The following MED13L variants were observed in gnomAD, a reference collection of about 807,000 sequenced individuals.
MED13L encodes mediator of RNA polymerase II transcription subunit 13-like.
Under a neutral mutation model 220.9 loss-of-function variants are expected in MED13L, and 7 were observed. The observed-to-expected ratio is 0.03, with a 90% CI of 0.02 to 0.06. MED13L has a LOEUF of 0.06. Ranked by LOEUF, MED13L falls within the 10% of genes least tolerant of loss-of-function variation. The pLI is 1.00. For missense variants in MED13L, 1,965 were observed against 2,760.5 expected, an observed-to-expected ratio of 0.71 and a Z score of 6.46; for synonymous variants, 1,011 against 1,015.2, an observed-to-expected ratio of 1.00 and a Z score of 0.08.
chr12:116,019,271 C>G lies in MED13L; in HGVS notation c.962G>C (p.Cys321Ser), dbSNP rs747999991. 13 of 1,613,988 alleles carry G rather than the reference C, an allele frequency of 8.1e-6. No homozygotes were observed. The highest frequency in any genetic ancestry group is 1.1e-5 in the Non-Finnish European group (13 of 1,179,946). ...GGTGGGAGGGGTCAGAGGCATCCCA[C>G]AGTTACTTGGGTCCTTCACACTACC... is the stretch of plus-strand genomic sequence containing the variant. ...GLGSVKDPSNCGMPLTPPTSP... is the reference protein window; with the variant it reads ...GLGSVKDPSNSGMPLTPPTSP... The change falls in exon 7 of 31, where the codon TGT (cysteine) becomes TCT (serine). Residue 321 changes from cysteine (C) to serine (S), a missense_variant. Cys to Ser is a moderately radical substitution (Grantham distance 112). Around this residue, in one of 10 missense-constraint regions of MED13L, gnomAD observed 818 missense variants for 1,041.2 expected, o/e 0.79. Transcript: ENST00000281928.
chr12:116,031,425 AAC>A (rs573108904), intron 4 of MED13L, among the ~76,000 whole-genome samples: 2 of 151,270 alleles, frequency 1.3e-5, no homozygotes, highest in Non-Finnish European at 2.9e-5. Context: ...TAAAAACACA[AAC>A]ACACACACAC....
chr12:116,247,921 A>G (rs1467333664), intron 1 of MED13L, among the ~76,000 whole-genome samples: 2 of 152,248 alleles, frequency 1.3e-5, no homozygotes, highest in Non-Finnish European at 2.9e-5. Flanking sequence ...CTTAAGCTAC[A>G]TTAATAAAGG....
intron 2 of MED13L, among the ~76,000 whole-genome samples, chr12:116,156,468 AG>A (rs1878451217): frequency 6.6e-6 from 1 of 151,012 alleles, no homozygotes; most frequent in Admixed American, 6.6e-5. Flanking sequence ...ATGGGGAGGC[AG>A]GGGTGTTCAT....
rs956746436 is a variant in MED13L, at chr12:115,961,317, G to C, written c.6582C>G (p.Val2194=). The change falls in exon 31 of 31, where the codon GTC becomes GTG. Residue 2194 remains valine (V), a synonymous_variant. Transcript: ENST00000281928. ...ACAACTGAGTGAGCACCACAAAGTG[G>C]ACGGGAAGGCAGGAAGTACGGTCCT... ...ATQDRTSCLP[V]HFVVLTQLYN... The C allele has an allele frequency of 6.2e-7, 1 of 1,614,214 alleles. No homozygotes were observed. Among genetic ancestry groups the C allele is most frequent in the Admixed American group, 1.7e-5 (1 of 60,030 alleles).
At chr12:116,271,625 CAAA>C (rs768668777) in intron 1 of MED13L, among the ~76,000 whole-genome samples, 2 of 69,054 alleles carry the variant, frequency 2.9e-5, no homozygotes, top group Admixed American at 1.7e-4. Flanking sequence ...GACTCCGTCT[CAAA>C]AAAAAAAAAA....
At chr12:116,032,486 C>A (rs1322071034) in intron 4 of MED13L, among the ~76,000 whole-genome samples, 1 of 152,198 alleles carries the variant, frequency 6.6e-6, no homozygotes, top group Non-Finnish European at 1.5e-5. Flanking sequence ...AGTTACCCTT[C>A]TAACCAAATT....
chr12:116,196,106 GA>G (rs1158356086), intron 2 of MED13L, among the ~76,000 whole-genome samples: 2 of 151,576 alleles, frequency 1.3e-5, no homozygotes, highest in Non-Finnish European at 2.9e-5. Context: ...AATGAGAAAA[GA>G]AAAAATTACA....
chr12:115,975,607 C>T lies in MED13L; in HGVS notation c.5496G>A (p.Leu1832=). 2 of 1,614,148 alleles carry T rather than the reference C, an allele frequency of 1.2e-6. No homozygotes were observed. The highest frequency in any genetic ancestry group is 2.2e-5 in the East Asian group (1 of 44,872). The change falls in exon 24 of 31, where the codon CTG becomes CTA. Residue 1832 remains leucine (L), a synonymous_variant. Transcript: ENST00000281928. ...CCAAAAGCCAGCGCTGGTCGTGAGA[C>T]AGACAATAGCCCACGAAGAGCACAT... ...KYNVLFVGYC[L]SHDQRWLLAS...
chr12:116,134,534 C>G (rs756490837), intron 2 of MED13L, among the ~76,000 whole-genome samples: 2 of 152,010 alleles, frequency 1.3e-5, no homozygotes, highest in Non-Finnish European at 2.9e-5. Context: ...GATATGATAT[C>G]TTAGGCACTA....
chr12:116,277,337 G>GCTCCGC lies in MED13L; in HGVS notation c.-207_-206insGCGGAG, dbSNP rs1317006027. The GCTCCGC allele has an allele frequency of 1.4e-5, 2 of 146,728 alleles. No homozygotes were observed. Among genetic ancestry groups the GCTCCGC allele is most frequent in the Admixed American group, 6.8e-5 (1 of 14,732 alleles). 9.1% of individuals were successfully genotyped at this position (146,728 alleles called of 1,614,324 possible). ...GGCAGCGGGCCCGGGCTGGCGGGGG[G>GCTCCGC]GGCGCGCGCCCCGGGCCGGCGCTGC... On this transcript the variant is annotated 5_prime_UTR_variant, in exon 1 of 31. Coordinates refer to ENST00000281928, the MANE Select transcript of MED13L (RefSeq NM_015335.5).
At chr12:116,019,465 A>G in intron 6 of MED13L, 53 bp from the exon 7 acceptor site, 1 of 1,583,630 alleles carries the variant, frequency 6.3e-7, no homozygotes, top group South Asian at 1.1e-5. Flanking sequence ...AATTCATACA[A>G]GACTTCCAAT....
chr12:116,138,471 C>CA (rs1465460952), intron 2 of MED13L, among the ~76,000 whole-genome samples: 1 of 152,150 alleles, frequency 6.6e-6, no homozygotes, highest in Non-Finnish European at 1.5e-5. Flanking sequence ...TTCTTTTCTG[C>CA]AAGGGAAGCA....
chr12:115,996,748 G>A, intron 15 of MED13L, 67 bp from the exon 16 acceptor site: 1 of 1,400,630 alleles, frequency 7.1e-7, no homozygotes, highest in Non-Finnish European at 1.0e-6. Context: ...CAGTGGCATA[G>A]TGCTATCATA....
intron 4 of MED13L, among the ~76,000 whole-genome samples, chr12:116,082,329 T>A (rs1871294319): frequency 6.6e-6 from 1 of 152,138 alleles, no homozygotes; most frequent in Admixed American, 6.5e-5. Context: ...GCAAGCAAAG[T>A]AAAAAGCAAA....
chr12:115,975,710 G>A lies in MED13L; in HGVS notation c.5393C>T (p.Pro1798Leu), dbSNP rs1225690527. Residue 1798 changes from proline to leucine, a missense_variant, in exon 24 of 31, where the codon CCT becomes CTT. Physicochemically the swap from Pro to Leu is moderately conservative, Grantham distance 98. Transcript: ENST00000281928. The part of the protein sequence containing the change: ...ERPSPIQLYS[P>L]PFILAPIKDK... ...TTTGATTGGGGCCAATATAAAGGGA[G>A]GGGAGTAAAGCTGGATTGGGCTGGG... is the stretch of plus-strand genomic sequence containing the variant. 2 of 1,613,916 alleles carry A rather than the reference G, an allele frequency of 1.2e-6. No homozygotes were observed. The highest frequency in any genetic ancestry group is 1.7e-5 in the Admixed American group (1 of 59,990).
At chr12:116,124,364 A>G (rs977734579) in intron 2 of MED13L, among the ~76,000 whole-genome samples, 5 of 152,194 alleles carry the variant, frequency 3.3e-5, no homozygotes, top group African/African-American at 1.2e-4. Flanking sequence ...AATTTTTTGG[A>G]GGCAGAAATT....
rs907964223 is a variant in MED13L, at chr12:115,963,508, A to G, written c.6399T>C (p.His2133=). 6 of 1,613,568 alleles carry G rather than the reference A, an allele frequency of 3.7e-6. No individual in the cohort carries two copies. Among genetic ancestry groups the G allele is most frequent in the Non-Finnish European group, 4.2e-6 (5 of 1,179,522 alleles). The stretch of plus-strand genomic sequence containing the variant: ...CTGTCTGTGCTACTGAAATGTGGTG[A>G]TGCAGCGAAGCCTGGTGAAAAAACA... The part of the protein sequence containing the change: ...QCPLFLKASL[H]HHISVAQTDE... The change falls in exon 30 of 31, where the codon CAT becomes CAC. Residue 2133 remains histidine, a synonymous_variant. Coordinates refer to ENST00000281928, the MANE Select transcript of MED13L (RefSeq NM_015335.5).
At chr12:116,069,209 C>A (rs921480140) in intron 4 of MED13L, among the ~76,000 whole-genome samples, 2 of 152,170 alleles carry the variant, frequency 1.3e-5, no homozygotes, top group Admixed American at 6.5e-5. Flanking sequence ...GACTTGTTGG[C>A]GGCTGAACTC....
intron 23 of MED13L, chr12:115,980,490 T>A (rs1173389399): frequency 1.0e-5 from 5 of 491,192 alleles, no homozygotes; most frequent in Non-Finnish European, 1.8e-5. Context: ...CTGGATAATT[T>A]TTAAAAGAAA....
Sources: gnomAD v4.1 joint callset for allele counts (sites outside exome capture counted in the v4.1 genomes callset) on GRCh38, gnomAD v4.1.1 for gene constraint, gnomAD v4.1.1 regional missense constraint, MANE v1.5 for transcripts, NCBI Gene and HGNC (gene_info 2026-07-23, HGNC 2026-07-21) for gene names.